UBE2K: variants seen among roughly 807,000 people sequenced by gnomAD.
UBE2K encodes ubiquitin-conjugating enzyme E2 K.
A neutral mutation model predicts 30.0 loss-of-function variants in UBE2K; 6 were observed. The ratio of observed to expected loss-of-function variants is 0.20; its 90% CI spans 0.11 to 0.39. UBE2K has a LOEUF of 0.39. Ranked by LOEUF, UBE2K falls within the 10% of genes least tolerant of loss-of-function variation. The pLI, the probability that UBE2K is intolerant of heterozygous loss-of-function variation, is 1.00. For missense variants in UBE2K, 61 were observed against 241.6 expected, an observed-to-expected ratio of 0.25 and a Z score of 4.96; for synonymous variants, 86 against 83.7, an observed-to-expected ratio of 1.03 and a Z score of -0.15.
At chr4:39,771,400 GGCAGCT>G in intron 4 of UBE2K, 1 of 1,611,404 alleles carries the variant, frequency 6.2e-7, no homozygotes, top group Non-Finnish European at 8.5e-7. Context: ...CTAGTGGCCG[GGCAGCT>G]GGAAGCGCAG....
At chr4:39,714,989 G>A (rs1718965574) in intron 1 of UBE2K, among the ~76,000 whole-genome samples, 1 of 151,420 alleles carries the variant, frequency 6.6e-6, no homozygotes, top group South Asian at 2.1e-4. Flanking sequence ...CTCCTGAGTA[G>A]CTGGGACTAC....
At chr4:39,772,415 A>AAAT (rs1712950924) in intron 4 of UBE2K, among the ~76,000 whole-genome samples, 1 of 145,812 alleles carries the variant, frequency 6.9e-6, no homozygotes, top group African/African-American at 2.5e-5. Flanking sequence ...AAAAAAAAAA[A>AAAT]TTGTTTTTAA....
chr4:39,727,327 T>A (rs1719809433), intron 1 of UBE2K, among the ~76,000 whole-genome samples: 1 of 152,180 alleles, frequency 6.6e-6, no homozygotes, highest in Admixed American at 6.6e-5. Context: ...TAGCTTTGAC[T>A]GTTTTTCTTT....
intron 4 of UBE2K, among the ~76,000 whole-genome samples, chr4:39,765,239 G>A (rs147404066): frequency 4.6e-4 from 70 of 152,232 alleles, no homozygotes; most frequent in African/African-American, 1.6e-3. Context: ...AAATTTACTA[G>A]GCCAGGCATC....
intron 2 of UBE2K, among the ~76,000 whole-genome samples, chr4:39,740,922 TTTTTC>T (rs1392915346): frequency 1.3e-5 from 2 of 152,118 alleles, no homozygotes; most frequent in African/African-American, 2.4e-5. Context: ...TTGGTCATTT[TTTTTC>T]TTTTCTTTTT....
Position 39,714,436 on chromosome 4 carries a change from G to C in UBE2K, c.63+16046G>C, listed in dbSNP as rs546769395. The C allele has an allele frequency of 5.2e-5, 8 of 154,702 alleles. No homozygotes were observed. In the South Asian group the frequency reaches 1.6e-3, roughly 31 times the overall value. 9.6% of individuals were successfully genotyped at this position (154,702 alleles called of 1,614,324 possible). On this transcript the variant is annotated intron_variant, in intron 1 of 6. Coordinates refer to ENST00000261427, the MANE Select transcript of UBE2K (RefSeq NM_005339.5). ...ACAGCTTTTCGAGTTGGCTTATGCA[G>C]AATTATCCTCTGAGCACATTATTTG...
At chr4:39,770,745 A>G (rs79205890) in intron 4 of UBE2K, 1 of 1,583,358 alleles carries the variant, frequency 6.3e-7, no homozygotes, top group African/African-American at 1.3e-5. Flanking sequence ...TCCAATGCCC[A>G]GGCCCCCTCC....
intron 1 of UBE2K, among the ~76,000 whole-genome samples, chr4:39,712,195 C>CT (rs34711359): frequency 0.037 from 2,159 of 58,372 alleles, 115 homozygotes; most frequent in Non-Finnish European, 0.044. Flanking sequence ...CACCGACAAC[C>CT]TTTTTTTTTT....
At chr4:39,723,364 T>C (rs1296767876) in intron 1 of UBE2K, among the ~76,000 whole-genome samples, 12 of 139,730 alleles carry the variant, frequency 8.6e-5, no homozygotes, top group East Asian at 4.0e-4. Flanking sequence ...TGTCTTCTCT[T>C]TTTTTTTTTT....
At chr4:39,774,979 C>A (rs1268513179) in intron 5 of UBE2K, 46 bp downstream of exon 5, 1 of 1,326,004 alleles carries the variant, frequency 7.5e-7, no homozygotes, top group Non-Finnish European at 1.1e-6. Flanking sequence ...ATGTATGAGT[C>A]TCTAGCCACT....
chr4:39,731,891 AC>A (rs1399061468), intron 1 of UBE2K, among the ~76,000 whole-genome samples: 2 of 152,192 alleles, frequency 1.3e-5, no homozygotes, highest in Non-Finnish European at 2.9e-5. Flanking sequence ...TGACTAGGAA[AC>A]AAATAATAAT....
In UBE2K at chr4:39,773,627, C is replaced by CT. The variant is rs540343389; in HGVS notation, c.300-1206dup. On this transcript the variant is annotated intron_variant, in intron 4 of 6. Coordinates refer to ENST00000261427, the MANE Select transcript of UBE2K (RefSeq NM_005339.5). Reference sequence around the variant, plus strand: ...TAGAAAAATAAGTGAGTGGATAAAACTAACAAGAAGGTGGCTGGGCGCGGT... The same window carrying CT: ...TAGAAAAATAAGTGAGTGGATAAAACTTAACAAGAAGGTGGCTGGGCGCGGT... Among the ~76,000 whole-genome samples, 413 of 151,492 alleles carry CT rather than the reference C, an allele frequency of 2.7e-3. 1 individual carries two copies. Among genetic ancestry groups the CT allele is most frequent in the Non-Finnish European group, 5.1e-3 (347 of 67,872 alleles).
rs369613671 is a variant in UBE2K at position 39,765,081 on chromosome 4, T to C, written c.299+9342T>C. Among the ~76,000 whole-genome samples the C allele has an allele frequency of 4.6e-5, 7 of 152,082 alleles. No individual in the cohort carries two copies. The South Asian group carries it at 8.3e-4, about 18-fold the overall frequency. On this transcript the variant is annotated intron_variant, in intron 4 of 6. Transcript: ENST00000261427. ...TTTGTATTTTTAGTAGAGATAGGGT[T>C]TCACCGTGTTAGCCAGGATGGTCTC...
intron 4 of UBE2K, chr4:39,771,350 C>T (rs1223998306): frequency 3.7e-6 from 6 of 1,612,600 alleles, no homozygotes; most frequent in South Asian, 2.2e-5. Context: ...CAGAACCACT[C>T]CTCTGCCCGG....
intron 1 of UBE2K, among the ~76,000 whole-genome samples, chr4:39,732,355 A>C (rs182913491): frequency 6.6e-5 from 10 of 152,208 alleles, no homozygotes; most frequent in Non-Finnish European, 1.2e-4. Flanking sequence ...AGTTTTTCCC[A>C]CTAGAATGTA....
chr4:39,777,079 T>G (rs1376451865), intron 5 of UBE2K, among the ~76,000 whole-genome samples: 1 of 152,232 alleles, frequency 6.6e-6, no homozygotes, highest in Non-Finnish European at 1.5e-5. Flanking sequence ...GGTTCCAAAG[T>G]ATTTGATAAA....
At chr4:39,776,766 G>T (rs940507025) in intron 5 of UBE2K, among the ~76,000 whole-genome samples, 1 of 151,806 alleles carries the variant, frequency 6.6e-6, no homozygotes, top group Non-Finnish European at 1.5e-5. Flanking sequence ...CTTCCAATTA[G>T]GGTTTTCCAT....
intron 5 of UBE2K, among the ~76,000 whole-genome samples, chr4:39,777,388 C>T (rs1386637145): frequency 2.6e-5 from 4 of 152,200 alleles, no homozygotes; most frequent in African/African-American, 9.6e-5. Flanking sequence ...TGGAACATCT[C>T]TTAATACCTC....
chr4:39,750,195 A>T (rs1721185103), intron 3 of UBE2K, among the ~76,000 whole-genome samples: 1 of 152,198 alleles, frequency 6.6e-6, no homozygotes, highest in Non-Finnish European at 1.5e-5. Context: ...CTCCATCTCA[A>T]AAAAAACAAA....
Sources: gnomAD v4.1 joint callset for allele counts (sites outside exome capture counted in the v4.1 genomes callset) on GRCh38, gnomAD v4.1.1 for gene constraint, MANE v1.5 for transcripts, NCBI Gene and HGNC (gene_info 2026-07-23, HGNC 2026-07-21) for gene names.